SULT2B1: variants seen among roughly 807,000 people sequenced by gnomAD.
SULT2B1 encodes sulfotransferase 2B1.
A neutral mutation model predicts 33.2 loss-of-function variants in SULT2B1; 16 were observed. The ratio of observed to expected loss-of-function variants is 0.48; its 90% CI spans 0.33 to 0.73. The LOEUF is 0.73. Among genes scored for constraint, SULT2B1 ranks in the 30% least tolerant of loss-of-function variants. The probability of loss-of-function intolerance (pLI) is 0.02; values close to 1 mark genes in which losing one functional copy is unlikely to be tolerated. For synonymous variants in SULT2B1, 186 were observed against 200.5 expected, an observed-to-expected ratio of 0.93 and a Z score of 0.61; for missense variants, 500 against 506.0, an observed-to-expected ratio of 0.99 and a Z score of 0.11.
intron 1 of SULT2B1, among the ~76,000 whole-genome samples, chr19:48,566,502 A>T (rs1008795469): frequency 1.3e-5 from 2 of 152,158 alleles, no homozygotes; most frequent in African/African-American, 4.8e-5. Flanking sequence ...GTTCGAGACC[A>T]TCCTGGCCAA....
intron 2 of SULT2B1, among the ~76,000 whole-genome samples, chr19:48,581,029 C>CTTTTTTTTTTTTT (rs57093444): frequency 4.6e-5 from 3 of 65,070 alleles, no homozygotes; most frequent in African/African-American, 1.3e-4. Flanking sequence ...ATATATATTC[C>CTTTTTTTTTTTTT]TTTTTTTTTT....
rs528769833 is a variant in SULT2B1, at chr19:48,589,978, C to CTTTATTT, written c.424-1628_424-1627insATTTTTT. Among the ~76,000 whole-genome samples the CTTTATTT allele has an allele frequency of 1.5e-3, 224 of 150,696 alleles. 1 individual carries two copies. The highest frequency in any genetic ancestry group is 6.8e-3 in the Middle Eastern group (2 of 294). On this transcript the variant is annotated intron_variant, in intron 3 of 6. Coordinates refer to ENST00000201586, the MANE Select transcript of SULT2B1 (RefSeq NM_177973.2). ...CTTGTTTCTTTTCTTTTTTCTTTTTCTTTCTTTTTTCTTTTTTTGAGACAG... is the reference window on the plus strand; with the variant it reads ...CTTGTTTCTTTTCTTTTTTCTTTTTCTTTATTTTTTCTTTTTTCTTTTTTTGAGACAG...
chr19:48,594,358 A>T lies in SULT2B1; in HGVS notation c.645+1542A>T, dbSNP rs888228185. On this transcript the variant is annotated intron_variant, in intron 5 of 6. Coordinates refer to ENST00000201586, the MANE Select transcript of SULT2B1 (RefSeq NM_177973.2). ...TCGACGAGGAAACTGGAGGTTTGTA[A>T]CTTAAGAGAGGGTTGATAATTTGCC... 2.8e-4 allele frequency among the ~76,000 whole-genome samples: 43 copies of T among 152,328 alleles called. 1 individual carries two copies. Among genetic ancestry groups the T allele is most frequent in the Admixed American group, 5.2e-4 (8 of 15,288 alleles).
chr19:48,570,839 G>C (rs6509392), intron 1 of SULT2B1, among the ~76,000 whole-genome samples: 97,373 of 150,152 alleles, frequency 0.65, 32,232 homozygotes, highest in African/African-American at 0.75. Context: ...TCTCCTGCCT[G>C]AGCCTCCCGA....
At chr19:48,594,376 A>G (rs1326655501) in intron 5 of SULT2B1, among the ~76,000 whole-genome samples, 1 of 152,212 alleles carries the variant, frequency 6.6e-6, no homozygotes, top group Non-Finnish European at 1.5e-5. Context: ...GAGGGTTGAT[A>G]ATTTGCCCAG....
At chr19:48,560,924 T>G (rs902896651) in intron 1 of SULT2B1, among the ~76,000 whole-genome samples, 2 of 151,660 alleles carry the variant, frequency 1.3e-5, no homozygotes, top group African/African-American at 4.9e-5. Context: ...ATCCTGCCAT[T>G]GCACTCCAGC....
intron 1 of SULT2B1, among the ~76,000 whole-genome samples, chr19:48,556,233 G>A (rs1973099089): frequency 6.6e-6 from 1 of 152,150 alleles, no homozygotes; most frequent in African/African-American, 2.4e-5. Flanking sequence ...AGACACCCAC[G>A]CCAGGTCCCA....
At chr19:48,597,669 G>T (rs1410658325) in intron 6 of SULT2B1, among the ~76,000 whole-genome samples, 2 of 11,014 alleles carry the variant, frequency 1.8e-4, no homozygotes, top group Admixed American at 1.2e-3. Context: ...TTGAGACGGA[G>T]TTTCACTCTT....
intron 2 of SULT2B1, among the ~76,000 whole-genome samples, chr19:48,583,102 G>C (rs947375782): frequency 2.0e-5 from 3 of 149,138 alleles, no homozygotes; most frequent in Non-Finnish European, 3.0e-5. Flanking sequence ...AGTGAGCCGA[G>C]ATCACTCCAT....
At chr19:48,597,247 G>C (rs888369231) in intron 6 of SULT2B1, among the ~76,000 whole-genome samples, 3 of 152,050 alleles carry the variant, frequency 2.0e-5, no homozygotes, top group African/African-American at 4.8e-5. Flanking sequence ...CTCAAGCCCT[G>C]GGTTACGGGG....
intron 1 of SULT2B1, among the ~76,000 whole-genome samples, chr19:48,558,279 G>A (rs1415164572): frequency 6.6e-6 from 1 of 152,216 alleles, no homozygotes; most frequent in Non-Finnish European, 1.5e-5. Context: ...ACTTGGGGAT[G>A]AGCAAGACCC....
chr19:48,590,261 T>C (rs1273959844), intron 3 of SULT2B1, among the ~76,000 whole-genome samples: 1 of 151,932 alleles, frequency 6.6e-6, no homozygotes, highest in Non-Finnish European at 1.5e-5. Context: ...AGTGTTGGGA[T>C]TACAGGTGTG....
At chr19:48,578,384 G>A (rs1277018813) in intron 2 of SULT2B1, among the ~76,000 whole-genome samples, 2 of 151,936 alleles carry the variant, frequency 1.3e-5, no homozygotes, top group Admixed American at 6.6e-5. Flanking sequence ...GCGTTCGAGA[G>A]CAGCCTGGCC....
chr19:48,580,079 A>G (rs567144471), intron 2 of SULT2B1, among the ~76,000 whole-genome samples: 1 of 148,180 alleles, frequency 6.7e-6, no homozygotes, highest in Non-Finnish European at 1.5e-5. Flanking sequence ...GCACACCACC[A>G]CGCCCAGCTA....
intron 1 of SULT2B1, among the ~76,000 whole-genome samples, chr19:48,569,823 C>A (rs908354493): frequency 6.6e-6 from 1 of 151,590 alleles, no homozygotes; most frequent in East Asian, 2.0e-4. Context: ...TGCGCCACCA[C>A]GCCTGGCTAA....
At chr19:48,558,736 G>A (rs1306138673) in intron 1 of SULT2B1, among the ~76,000 whole-genome samples, 1 of 143,018 alleles carries the variant, frequency 7.0e-6, no homozygotes, top group African/African-American at 2.7e-5. Context: ...CCAGGCTGGA[G>A]TGCAGTGGCA....
chr19:48,560,453 G>T (rs2147598317), intron 1 of SULT2B1, among the ~76,000 whole-genome samples: 1 of 151,726 alleles, frequency 6.6e-6, no homozygotes, highest in Non-Finnish European at 1.5e-5. Flanking sequence ...GCAGTCAGAG[G>T]CTGCCCCTCA....
At chr19:48,565,581 T>C (rs1467532218) in intron 1 of SULT2B1, among the ~76,000 whole-genome samples, 1 of 152,078 alleles carries the variant, frequency 6.6e-6, no homozygotes, top group African/African-American at 2.4e-5. Context: ...GGTTTCACCA[T>C]GTTGGCCAGG....
intron 1 of SULT2B1, among the ~76,000 whole-genome samples, chr19:48,570,474 C>T (rs118002181): frequency 0.015 from 2,283 of 151,984 alleles, no homozygotes; most frequent in African/African-American, 0.051. Context: ...CCACCGAGCC[C>T]GGCCAGTTCT....
Sources: allele counts gnomAD v4.1 joint callset (sites outside exome capture counted in the v4.1 genomes callset), GRCh38; gene constraint gnomAD v4.1.1; transcripts MANE v1.5; gene names NCBI Gene and HGNC (gene_info 2026-07-23, HGNC 2026-07-21).